Variants in OSBPL10 observed in about 807,000 individuals in gnomAD.
OSBPL10 encodes the protein oxysterol-binding protein-related protein 10.
OSBPL10 carries 49 observed loss-of-function variants against 81.7 expected under a neutral mutation model. The observed-to-expected ratio is 0.60, with a 90% CI of 0.48 to 0.76. OSBPL10 has a LOEUF of 0.76. Ranked by LOEUF, OSBPL10 falls within the 30% of genes least tolerant of loss-of-function variation. The pLI is 0.00. For synonymous variants in OSBPL10, 419 were observed against 383.6 expected (o/e 1.09, Z -1.08); for missense variants, 923 against 987.8 (o/e 0.93, Z 0.88).
chr3:31,957,732 C>T (rs1255323631), intron 1 of OSBPL10, among the ~76,000 whole-genome samples: 4 of 152,260 alleles, frequency 2.6e-5, no homozygotes, highest in East Asian at 1.9e-4. Flanking sequence ...CCTCCGTCTC[C>T]GGGGTTCAAG....
At chr3:31,865,391 C>G (rs1254071752) in intron 3 of OSBPL10, among the ~76,000 whole-genome samples, 1 of 152,178 alleles carries the variant, frequency 6.6e-6, no homozygotes, top group African/African-American at 2.4e-5. Context: ...CTAGAGGTCT[C>G]CATATTGCAC....
intron 7 of OSBPL10, among the ~76,000 whole-genome samples, chr3:31,695,430 C>A (rs1371909636): frequency 6.6e-6 from 1 of 152,096 alleles, no homozygotes; most frequent in East Asian, 1.9e-4. Flanking sequence ...CACCTTTGAC[C>A]CATTGACCTT....
intron 2 of OSBPL10, among the ~76,000 whole-genome samples, chr3:32,017,697 A>G (rs2125543321): frequency 6.6e-6 from 1 of 152,300 alleles, no homozygotes; most frequent in East Asian, 1.9e-4. Context: ...CCAATGAACT[A>G]TGTGACATCA....
Position 31,905,570 on chromosome 3 carries a change from G to C in OSBPL10, c.282-25740C>G, listed in dbSNP as rs143890047. On this transcript the variant is annotated intron_variant, in intron 1 of 11. Transcript: ENST00000396556. ...TCGCCATGTTGGCCAGGCTGCTCTC[G>C]AACTCCTGACCTCAAGTGATCCACC... is the stretch of plus-strand genomic sequence containing the variant. 3.3e-5 allele frequency among the ~76,000 whole-genome samples: 5 copies of C among 151,774 alleles called. No individual in the cohort carries two copies. The East Asian group carries it at 7.8e-4, about 24-fold the overall frequency.
chr3:31,830,354 T>A (rs961876095), intron 3 of OSBPL10, 123 bp from the exon 4 acceptor site: 4 of 1,004,610 alleles, frequency 4.0e-6, no homozygotes, highest in Non-Finnish European at 5.8e-6. Context: ...GCTGAAGGTA[T>A]GAAGGAGGTA....
chr3:31,751,441 C>T (rs1374680848), intron 4 of OSBPL10, among the ~76,000 whole-genome samples: 3 of 151,986 alleles, frequency 2.0e-5, no homozygotes, highest in Admixed American at 6.6e-5. Flanking sequence ...TACTGAGAGC[C>T]GATTGCCAAT....
At chr3:31,923,861 C>A (rs1290497235) in intron 1 of OSBPL10, among the ~76,000 whole-genome samples, 1 of 152,090 alleles carries the variant, frequency 6.6e-6, no homozygotes, top group Non-Finnish European at 1.5e-5. Context: ...CAAAAATATT[C>A]TTAAGTACAC....
intron 4 of OSBPL10, among the ~76,000 whole-genome samples, chr3:31,759,920 T>C (rs1195053959): frequency 6.6e-6 from 1 of 152,024 alleles, no homozygotes; most frequent in Non-Finnish European, 1.5e-5. Context: ...CCACAACACC[T>C]GGCTAATTTT....
At chr3:31,694,165 G>A (rs1695639905) in intron 7 of OSBPL10, among the ~76,000 whole-genome samples, 1 of 152,138 alleles carries the variant, frequency 6.6e-6, no homozygotes. Context: ...GAGGTCAGGA[G>A]TTCAAGACCA....
At chr3:31,867,071 C>T (rs1275852086) in intron 3 of OSBPL10, among the ~76,000 whole-genome samples, 1 of 152,164 alleles carries the variant, frequency 6.6e-6, no homozygotes, top group Non-Finnish European at 1.5e-5. Flanking sequence ...TAAGCCCTAA[C>T]CATATGCCAA....
At chr3:31,902,453 G>A (rs1293789845) in intron 1 of OSBPL10, among the ~76,000 whole-genome samples, 4 of 151,816 alleles carry the variant, frequency 2.6e-5, no homozygotes, top group Admixed American at 2.0e-4. Context: ...AGTAGAGACG[G>A]GGTTTCACCA....
chr3:32,031,276 T>C (rs1699464795), intron 2 of OSBPL10, among the ~76,000 whole-genome samples: 1 of 152,198 alleles, frequency 6.6e-6, no homozygotes, highest in African/African-American at 2.4e-5. Context: ...TAACTGTGTT[T>C]ATCATATTTG....
chr3:32,037,501 T>TC, intron 2 of OSBPL10: 1 of 190,944 alleles, frequency 5.2e-6, no homozygotes, highest in Non-Finnish European at 1.1e-5. Context: ...AATTTTTTTT[T>TC]TCAATTTTTT....
At chr3:31,817,156 C>T (rs771357962) in intron 4 of OSBPL10, among the ~76,000 whole-genome samples, 1 of 152,156 alleles carries the variant, frequency 6.6e-6, no homozygotes, top group Non-Finnish European at 1.5e-5. Flanking sequence ...GGAAGAGGCG[C>T]CATGAGTCCC....
chr3:31,707,933 G>A lies in OSBPL10; in HGVS notation c.1096-5425C>T, dbSNP rs111699094. Among the ~76,000 whole-genome samples the A allele has an allele frequency of 4.4e-3, 670 of 152,028 alleles. 4 individuals are homozygous for A. Among genetic ancestry groups the A allele is most frequent in the African/African-American group, 0.015 (637 of 41,456 alleles). Reference sequence around the variant, plus strand: ...GTGTGGAGTTGAGACATAGATAGAGGCTAGGGACTGGAGAGATTGGAAGAG... The same window carrying A: ...GTGTGGAGTTGAGACATAGATAGAGACTAGGGACTGGAGAGATTGGAAGAG... On this transcript the variant is annotated intron_variant, in intron 6 of 11. Transcript: ENST00000396556.
intron 4 of OSBPL10, among the ~76,000 whole-genome samples, chr3:31,792,831 C>T (rs1351472848): frequency 9.3e-5 from 9 of 97,174 alleles, no homozygotes; most frequent in Non-Finnish European, 1.4e-4. Context: ...TGTGGGGGTG[C>T]GTTTTGCACT....
At position 31,671,001 on chromosome 3, in the gene OSBPL10, GGA is replaced by G. The variant is rs1559407694; in HGVS notation, c.1727-20_1727-19del. ...CAACACACCTCCAGGGAGAGAGGAG[GGA>G]GAGTTAGGCATGCAAACATGTGAAG... On this transcript the variant is annotated intron_variant, in intron 8 of 11. Transcript: ENST00000396556. The G allele has an allele frequency of 2.5e-6, 4 of 1,591,258 alleles. No individual in the cohort carries two copies. The highest frequency in any genetic ancestry group is 2.3e-5 in the South Asian group (2 of 88,098).
chr3:31,821,970 A>T (rs906839027), intron 4 of OSBPL10, among the ~76,000 whole-genome samples: 1 of 152,254 alleles, frequency 6.6e-6, no homozygotes, highest in Non-Finnish European at 1.5e-5. Context: ...TCCTGAAAGG[A>T]GAGAATACTG....
chr3:31,988,580 C>T (rs901106460), intron 2 of OSBPL10: 4 of 166,018 alleles, frequency 2.4e-5, no homozygotes, highest in Admixed American at 1.1e-4. Context: ...CCAAGATCAG[C>T]TTATAAACAG....
Sources: gnomAD v4.1 joint callset for allele counts (sites outside exome capture counted in the v4.1 genomes callset) on GRCh38, gnomAD v4.1.1 for gene constraint, MANE v1.5 for transcripts, NCBI Gene and HGNC (gene_info 2026-07-23, HGNC 2026-07-21) for gene names.